ARMC2: variants seen among roughly 807,000 people sequenced by gnomAD.
ARMC2 encodes armadillo repeat containing 2.
A neutral mutation model predicts 90.3 loss-of-function variants in ARMC2; 67 were observed. The ratio of observed to expected loss-of-function variants is 0.74; its 90% CI spans 0.61 to 0.91. ARMC2 has a LOEUF of 0.91. Among genes scored for constraint, ARMC2 ranks in the 40% least tolerant of loss-of-function variants. ARMC2 has a pLI of 0.00. For synonymous variants in ARMC2, 393 were observed against 393.0 expected (o/e 1.00, Z 0.00); for missense variants, 920 against 1,030.9 (o/e 0.89, Z 1.47).
chr6:108,999,064 T>C, the ARMC2 span: 1 of 202,274 alleles, frequency 4.9e-6, no homozygotes, highest in Non-Finnish European at 1.0e-5. Flanking sequence ...TATGAATGAA[T>C]TACTGTGTTG....
chr6:108,941,633 T>C (rs1296804865), intron 12 of ARMC2, among the ~76,000 whole-genome samples: 8 of 152,338 alleles, frequency 5.3e-5, no homozygotes, highest in South Asian at 2.1e-4. Flanking sequence ...TCAAAAGTTA[T>C]GGTTTTATTA....
chr6:108,991,830 C>T, the ARMC2 span, among the ~76,000 whole-genome samples: 15 of 152,170 alleles, frequency 9.9e-5, no homozygotes, highest in African/African-American at 3.6e-4. Flanking sequence ...CAATTTTAAA[C>T]ATACACCACT....
At chr6:108,998,792 T>A in the ARMC2 span, 1 of 1,575,972 alleles carries the variant, frequency 6.3e-7, no homozygotes, top group Non-Finnish European at 8.6e-7. Context: ...ATTTTTGTAC[T>A]GGGGTGTGGT....
chr6:108,980,973 G>C, the ARMC2 span, among the ~76,000 whole-genome samples: 1 of 152,180 alleles, frequency 6.6e-6, no homozygotes, highest in Non-Finnish European at 1.5e-5. Context: ...GTTCATACCT[G>C]ATGTGGCTCA....
chr6:109,043,715 G>C, the ARMC2 span, among the ~76,000 whole-genome samples: 2 of 152,114 alleles, frequency 1.3e-5, no homozygotes, highest in African/African-American at 4.8e-5. Flanking sequence ...CAAATAAGTG[G>C]AGAAATATTC....
chr6:108,992,916 T>C, the ARMC2 span: 2 of 1,527,108 alleles, frequency 1.3e-6, no homozygotes, highest in Middle Eastern at 1.7e-4. Flanking sequence ...AAAAAGGCCA[T>C]TGAAAGGTTT....
chr6:108,934,677 C>T (rs919103171), intron 11 of ARMC2, among the ~76,000 whole-genome samples: 1 of 152,102 alleles, frequency 6.6e-6, no homozygotes, highest in African/African-American at 2.4e-5. Context: ...GATTCAATTT[C>T]TTCCCATATG....
chr6:108,851,449 A>G (rs754067495), intron 1 of ARMC2, among the ~76,000 whole-genome samples: 55 of 152,198 alleles, frequency 3.6e-4, no homozygotes, highest in South Asian at 1.4e-3. Context: ...GAGTATAAGC[A>G]GGGTAAATAC....
the ARMC2 span, among the ~76,000 whole-genome samples, chr6:109,050,252 C>CA: frequency 1.3e-5 from 2 of 152,054 alleles, no homozygotes; most frequent in Non-Finnish European, 2.9e-5. Context: ...AAAGACTGAC[C>CA]AATTGTGCTA....
At position 108,928,412 on chromosome 6, in the gene ARMC2, C is replaced by T. The variant is rs542957347; in HGVS notation, c.1496+179C>T. Among the ~76,000 whole-genome samples, 6 of 152,198 alleles carry T rather than the reference C, an allele frequency of 3.9e-5. No individual in the cohort carries two copies. The South Asian group carries it at 8.3e-4, about 21-fold the overall frequency. ...AATGAACAATTCAAACAAATGAACC[C>T]ATTGTCTATATGATTCTATTGTGAT... On this transcript the variant is annotated intron_variant, in intron 11 of 17. Coordinates refer to ENST00000392644, the MANE Select transcript of ARMC2 (RefSeq NM_032131.6).
chr6:109,001,769 T>A, the ARMC2 span, among the ~76,000 whole-genome samples: 1 of 152,180 alleles, frequency 6.6e-6, no homozygotes, highest in African/African-American at 2.4e-5. Flanking sequence ...AGATTTAGAT[T>A]ATCAAATTTG....
intron 2 of ARMC2, among the ~76,000 whole-genome samples, chr6:108,854,929 C>CT (rs1774391283): frequency 6.6e-6 from 1 of 152,214 alleles, no homozygotes; most frequent in African/African-American, 2.4e-5. Flanking sequence ...AACCACTGAT[C>CT]TTTTTACTGT....
intron 8 of ARMC2, among the ~76,000 whole-genome samples, chr6:108,904,898 G>A (rs377542499): frequency 1.3e-5 from 2 of 152,108 alleles, no homozygotes; most frequent in East Asian, 1.9e-4. Flanking sequence ...ATACAGCTGC[G>A]TGTGGTCACA....
At chr6:108,941,083 TAGACAGAC>T (rs374326514) in intron 12 of ARMC2, among the ~76,000 whole-genome samples, 29 of 152,090 alleles carry the variant, frequency 1.9e-4, no homozygotes, top group African/African-American at 9.7e-5. Flanking sequence ...GCTAGCTAGC[TAGACAGAC>T]AGACAGACAG....
the ARMC2 span, chr6:108,994,611 T>A: frequency 6.2e-7 from 1 of 1,601,284 alleles, no homozygotes; most frequent in Non-Finnish European, 8.5e-7. Context: ...ATCACTTACC[T>A]GAAGAAAAAA....
At chr6:108,862,188 A>G (rs932990220) in intron 3 of ARMC2, among the ~76,000 whole-genome samples, 4 of 152,060 alleles carry the variant, frequency 2.6e-5, no homozygotes, top group African/African-American at 9.7e-5. Flanking sequence ...TACTAAAAAT[A>G]TAAACATTAG....
At chr6:108,862,777 A>G (rs1775409966) in intron 3 of ARMC2, among the ~76,000 whole-genome samples, 1 of 152,124 alleles carries the variant, frequency 6.6e-6, no homozygotes, top group Non-Finnish European at 1.5e-5. Context: ...AACCAGTTGA[A>G]TCTCAGTGCT....
chr6:108,873,186 T>C (rs1452813783), intron 4 of ARMC2, among the ~76,000 whole-genome samples: 1 of 152,258 alleles, frequency 6.6e-6, no homozygotes, highest in Non-Finnish European at 1.5e-5. Flanking sequence ...CCACTGAAAC[T>C]TGAATTTCAT....
intron 4 of ARMC2, among the ~76,000 whole-genome samples, chr6:108,870,553 AAGAGAGGGAAGGAGAG>A (rs765459930): frequency 1.4e-3 from 206 of 151,010 alleles, no homozygotes; most frequent in Non-Finnish European, 2.4e-3. Flanking sequence ...GGAAGGAAGG[AAGAGAGGGAAGGAGAG>A]AGGGAAGGAG....
Sources: allele counts gnomAD v4.1 joint callset (sites outside exome capture counted in the v4.1 genomes callset), GRCh38; gene constraint gnomAD v4.1.1; transcripts MANE v1.5; gene names NCBI Gene and HGNC (gene_info 2026-07-23, HGNC 2026-07-21).